The following CMIP variants were observed in gnomAD, a reference collection of about 807,000 sequenced individuals.
CMIP encodes c-Maf inducing protein.
A neutral mutation model predicts 97.3 loss-of-function variants in CMIP; 13 were observed. The observed-to-expected ratio is 0.13, with a 90% CI of 0.09 to 0.21. The LOEUF (loss-of-function observed/expected upper bound fraction) is 0.21, where lower values mean the gene tolerates loss of function less well. CMIP is among the 10% of genes least tolerant of loss of function. The pLI is 1.00. For synonymous variants in CMIP, 538 were observed against 436.3 expected (o/e 1.23, Z -2.91); for missense variants, 847 against 1,024.9 (o/e 0.83, Z 2.37).
chr16:81,646,179 G>T (rs1024879680), intron 3 of CMIP, among the ~76,000 whole-genome samples: 3 of 144,220 alleles, frequency 2.1e-5, no homozygotes, highest in African/African-American at 7.6e-5. Flanking sequence ...TAGGTGAATG[G>T]TTGGATGGAT....
intron 1 of CMIP, among the ~76,000 whole-genome samples, chr16:81,471,649 A>G (rs1031672734): frequency 6.6e-6 from 1 of 152,238 alleles, no homozygotes; most frequent in Non-Finnish European, 1.5e-5. Flanking sequence ...TTCCCAGTAG[A>G]TGCCTGAAAT....
intron 1 of CMIP, among the ~76,000 whole-genome samples, chr16:81,574,769 C>T (rs928777255): frequency 1.3e-5 from 2 of 152,232 alleles, no homozygotes; most frequent in Non-Finnish European, 2.9e-5. Flanking sequence ...TCGGGAGGCT[C>T]ACAGGCCAGT....
In CMIP at chr16:81,549,085, G is replaced by T. The variant is rs75367374; in HGVS notation, c.301-58482G>T. ...TGCAGGCTTAGGTGGAAAGGGCGTG[G>T]CCCAAAGCCAGATGTGTAGTAGGTA... On this transcript the variant is annotated intron_variant, in intron 1 of 20. Transcript: ENST00000537098. Among the ~76,000 whole-genome samples the T allele has an allele frequency of 2.0e-5, 3 of 152,308 alleles. No homozygotes were observed. In the East Asian group the frequency reaches 5.8e-4, roughly 29 times the overall value.
chr16:81,624,675 C>G (rs931998442), intron 3 of CMIP, among the ~76,000 whole-genome samples: 1 of 152,146 alleles, frequency 6.6e-6, no homozygotes, highest in Non-Finnish European at 1.5e-5. Flanking sequence ...CTCCAAAGCT[C>G]GACCCTATTC....
At chr16:81,465,148 G>C (rs970980221) in intron 1 of CMIP, among the ~76,000 whole-genome samples, 4 of 152,194 alleles carry the variant, frequency 2.6e-5, no homozygotes, top group African/African-American at 9.7e-5. Flanking sequence ...TTGTAGCACA[G>C]TTAGATAACG....
intron 1 of CMIP, among the ~76,000 whole-genome samples, chr16:81,587,909 C>T (rs74031208): frequency 1.3e-5 from 2 of 152,196 alleles, no homozygotes; most frequent in African/African-American, 4.8e-5. Flanking sequence ...GTCAAGCTCC[C>T]TTGTCACATA....
At chr16:81,562,694 C>T (rs745561543) in intron 1 of CMIP, among the ~76,000 whole-genome samples, 1 of 152,286 alleles carries the variant, frequency 6.6e-6, no homozygotes, top group African/African-American at 2.4e-5. Flanking sequence ...GGGTGGTTCA[C>T]TCATCTGTCC....
At chr16:81,577,755 G>A (rs1019016515) in intron 1 of CMIP, among the ~76,000 whole-genome samples, 4 of 105,716 alleles carry the variant, frequency 3.8e-5, no homozygotes, top group Admixed American at 1.0e-4. Flanking sequence ...TTACCACTAC[G>A]CTATTATCAC....
intron 4 of CMIP, among the ~76,000 whole-genome samples, chr16:81,653,481 C>T (rs2092451055): frequency 6.6e-6 from 1 of 152,250 alleles, no homozygotes; most frequent in Non-Finnish European, 1.5e-5. Flanking sequence ...GTGTTGTCCT[C>T]AGTTGGGAGA....
chr16:81,630,827 A>G (rs1313229466), intron 3 of CMIP: 3 of 152,308 alleles, frequency 2.0e-5, no homozygotes, highest in Non-Finnish European at 2.9e-5. Flanking sequence ...GAACTGTGAA[A>G]GGAGGGGCTT....
At chr16:81,701,941 AC>A in intron 16 of CMIP, 141 bp downstream of exon 16, 1 of 946,714 alleles carries the variant, frequency 1.1e-6, no homozygotes, top group African/African-American at 1.6e-5. Flanking sequence ...AATTGGTATT[AC>A]CACCTGCCAC....
At chr16:81,572,265 G>C (rs1207885424) in intron 1 of CMIP, among the ~76,000 whole-genome samples, 9 of 152,230 alleles carry the variant, frequency 5.9e-5, no homozygotes. Flanking sequence ...AACTAGCCTG[G>C]AGTTGGGCTG....
intron 1 of CMIP, among the ~76,000 whole-genome samples, chr16:81,603,873 A>G (rs112856956): frequency 5.3e-5 from 8 of 152,346 alleles, no homozygotes; most frequent in African/African-American, 1.7e-4. Context: ...TGTTCCAGGT[A>G]CTGTGCTGAG....
rs1260394192 is a variant in CMIP at position 81,526,068 on chromosome 16, G to GTTTT, written c.300+80528_300+80531dup. Reference sequence around the variant, plus strand: ...CCGTTTGCATTTCAGTTGCTTCTGCGTTTTGGCTTTGAGAATAGTGCTGCT... The same window carrying GTTTT: ...CCGTTTGCATTTCAGTTGCTTCTGCGTTTTTTTTGGCTTTGAGAATAGTGCTGCT... On this transcript the variant is annotated intron_variant, in intron 1 of 20. Transcript: ENST00000537098. Among the ~76,000 whole-genome samples, 3 of 151,886 alleles carry GTTTT rather than the reference G, an allele frequency of 2.0e-5. No homozygotes were observed. In the East Asian group the frequency reaches 5.8e-4, roughly 29 times the overall value.
chr16:81,473,727 G>T (rs1907703580), intron 1 of CMIP, among the ~76,000 whole-genome samples: 1 of 151,988 alleles, frequency 6.6e-6, no homozygotes, highest in Non-Finnish European at 1.5e-5. Flanking sequence ...CGGGGACGCA[G>T]GGACGCATTG....
At chr16:81,698,080 A>C (rs1178832748) in intron 14 of CMIP, 1 of 144,602 alleles carries the variant, frequency 6.9e-6, no homozygotes, top group South Asian at 2.2e-4. Flanking sequence ...GAGAGATTGC[A>C]TTTGTATGCC....
chr16:81,644,394 G>A (rs2092339949), intron 3 of CMIP, among the ~76,000 whole-genome samples: 1 of 152,234 alleles, frequency 6.6e-6, no homozygotes. Context: ...TTGACCCAGG[G>A]TGTCTCTGTG....
intron 7 of CMIP, among the ~76,000 whole-genome samples, chr16:81,668,081 C>T (rs944853488): frequency 6.6e-6 from 1 of 152,066 alleles, no homozygotes; most frequent in Non-Finnish European, 1.5e-5. Flanking sequence ...ATGCCAGCTT[C>T]GGGGTCAGTT....
intron 1 of CMIP, among the ~76,000 whole-genome samples, chr16:81,535,738 A>G (rs867146517): frequency 6.6e-6 from 1 of 152,118 alleles, no homozygotes; most frequent in African/African-American, 2.4e-5. Flanking sequence ...ACTCGTTTAC[A>G]GATGTTGGAC....
Sources: allele counts gnomAD v4.1 joint callset (sites outside exome capture counted in the v4.1 genomes callset), GRCh38; gene constraint gnomAD v4.1.1; transcripts MANE v1.5; gene names NCBI Gene and HGNC (gene_info 2026-07-23, HGNC 2026-07-21).